The following TCF7L2 variants were observed in gnomAD, a reference collection of about 807,000 sequenced individuals.
TCF7L2 encodes the protein transcription factor 7-like 2.
A neutral mutation model predicts 77.9 loss-of-function variants in TCF7L2; 23 were observed. The observed-to-expected ratio is 0.30, with a 90% CI of 0.21 to 0.42. TCF7L2 has a LOEUF of 0.42. TCF7L2 is among the 10% of genes least tolerant of loss of function. TCF7L2 has a pLI of 1.00. For synonymous variants in TCF7L2, 413 were observed against 340.2 expected (o/e 1.21, Z -2.36); for missense variants, 654 against 793.1 (o/e 0.82, Z 2.11).
intron 5 of TCF7L2, among the ~76,000 whole-genome samples, chr10:113,098,873 G>A (rs2061339451): frequency 6.6e-6 from 1 of 152,204 alleles, no homozygotes; most frequent in South Asian, 2.1e-4. Context: ...CTGCCTTTGT[G>A]TAGTCACTGG....
chr10:112,950,649 T>G lies in TCF7L2; in HGVS notation c.-108T>G. 2 of 1,350,522 alleles carry G rather than the reference T, an allele frequency of 1.5e-6. No homozygotes were observed. Among genetic ancestry groups the G allele is most frequent in the Non-Finnish European group, 2.0e-6 (2 of 1,001,676 alleles). 83.7% of individuals were successfully genotyped at this position (1,350,522 alleles called of 1,614,324 possible). A position where few individuals can be genotyped will look rare whatever the true frequency, so the allele number is the denominator to read the frequency against. On this transcript the variant is annotated 5_prime_UTR_variant, in exon 1 of 14. Transcript: ENST00000627217. ...AAAAGTTCACCTTGGACTCGTCTTT[T>G]TCTTGCAATATTTTTTGGGGGGGCA...
intron 5 of TCF7L2, among the ~76,000 whole-genome samples, chr10:113,109,610 C>T (rs1049275513): frequency 5.3e-5 from 8 of 152,116 alleles, no homozygotes; most frequent in Non-Finnish European, 7.3e-5. Flanking sequence ...AGGCTGGTCT[C>T]GAACTCCTGA....
At chr10:113,052,592 C>T (rs1257404433) in intron 5 of TCF7L2, among the ~76,000 whole-genome samples, 2 of 152,210 alleles carry the variant, frequency 1.3e-5, no homozygotes, top group African/African-American at 2.4e-5. Flanking sequence ...AGGAAAAGGA[C>T]GTAGGCTCAG....
intron 6 of TCF7L2, among the ~76,000 whole-genome samples, chr10:113,143,322 ACCT>A (rs1251883234): frequency 6.6e-6 from 1 of 152,050 alleles, no homozygotes; most frequent in African/African-American, 2.4e-5. Flanking sequence ...AGCCTCCAAC[ACCT>A]CCTTGTCTGT....
At chr10:113,051,315 G>A (rs1015645179) in intron 5 of TCF7L2, among the ~76,000 whole-genome samples, 5 of 151,824 alleles carry the variant, frequency 3.3e-5, no homozygotes, top group Non-Finnish European at 5.9e-5. Flanking sequence ...TGGGTGAGGC[G>A]GAAATGCCTG....
chr10:112,975,927 G>C (rs2039334975), intron 4 of TCF7L2, among the ~76,000 whole-genome samples: 1 of 152,152 alleles, frequency 6.6e-6, no homozygotes, highest in Non-Finnish European at 1.5e-5. Flanking sequence ...GAGAACCTCT[G>C]ACTCAGTCTA....
At chr10:113,068,556 A>G (rs564194004) in intron 5 of TCF7L2, among the ~76,000 whole-genome samples, 2 of 152,240 alleles carry the variant, frequency 1.3e-5, no homozygotes, top group African/African-American at 4.8e-5. Context: ...TGGACACCAG[A>G]ATTCACAGCA....
At position 113,037,205 on chromosome 10, in the gene TCF7L2, A is replaced by G. The variant is rs80341085; in HGVS notation, c.451-2820A>G. ...ATAGCTTCCTTTAGAAAATCCTGAC[A>G]TAATACTTATTTCCCCAAAAGGCAC... On this transcript the variant is annotated intron_variant, in intron 4 of 13. Transcript: ENST00000627217. 3.5e-3 allele frequency among the ~76,000 whole-genome samples: 529 copies of G among 152,344 alleles called. 8 individuals are homozygous for G. The highest frequency in any genetic ancestry group is 0.02 in the South Asian group (95 of 4,826).
At chr10:113,118,707 C>T (rs1219080844) in intron 5 of TCF7L2, among the ~76,000 whole-genome samples, 1 of 145,928 alleles carries the variant, frequency 6.9e-6, no homozygotes, top group African/African-American at 2.5e-5. Flanking sequence ...ATTCCCAAGC[C>T]TTGGTTGCTA....
At chr10:112,986,069 C>G (rs116593313) in intron 4 of TCF7L2, among the ~76,000 whole-genome samples, 3 of 151,646 alleles carry the variant, frequency 2.0e-5, no homozygotes, top group Admixed American at 6.6e-5. Flanking sequence ...TCTGCACCCC[C>G]GCTCCCACCT....
At chr10:113,019,365 G>C (rs181085255) in intron 4 of TCF7L2, among the ~76,000 whole-genome samples, 5 of 152,204 alleles carry the variant, frequency 3.3e-5, no homozygotes, top group Non-Finnish European at 7.4e-5. Context: ...ATGTGTCCTC[G>C]TTAGAAAGAC....
intron 5 of TCF7L2, among the ~76,000 whole-genome samples, chr10:113,095,458 G>A (rs2060855185): frequency 6.6e-6 from 1 of 152,142 alleles, no homozygotes; most frequent in Middle Eastern, 3.2e-3. Flanking sequence ...GGCTAAATGA[G>A]CGGACAAATT....
chr10:113,102,433 T>G (rs2061773836), intron 5 of TCF7L2, among the ~76,000 whole-genome samples: 1 of 151,560 alleles, frequency 6.6e-6, no homozygotes, highest in African/African-American at 2.4e-5. Flanking sequence ...GTTTGTTTTT[T>G]TTTTTTTTTG....
intron 5 of TCF7L2, among the ~76,000 whole-genome samples, chr10:113,127,715 G>A (rs1176179712): frequency 1.3e-5 from 2 of 151,934 alleles, no homozygotes; most frequent in Non-Finnish European, 2.9e-5. Flanking sequence ...GGCACCCTGG[G>A]GATGAATTTA....
chr10:112,976,711 G>A (rs7918749), intron 4 of TCF7L2, among the ~76,000 whole-genome samples: 31,987 of 152,152 alleles, frequency 0.21, 4,507 homozygotes, highest in East Asian at 0.68. Flanking sequence ...TTTATAATAT[G>A]AAAGACCAAA....
intron 5 of TCF7L2, among the ~76,000 whole-genome samples, chr10:113,070,927 T>C (rs2057926786): frequency 6.6e-6 from 1 of 152,196 alleles, no homozygotes; most frequent in African/African-American, 2.4e-5. Flanking sequence ...TGTCTCCTAG[T>C]AGCCACTCCC....
chr10:113,091,741 C>T (rs912317129), intron 5 of TCF7L2, among the ~76,000 whole-genome samples: 4 of 152,144 alleles, frequency 2.6e-5, no homozygotes, highest in African/African-American at 7.2e-5. Context: ...TGGAGTCTTT[C>T]GGACTTTTCG....
intron 4 of TCF7L2, among the ~76,000 whole-genome samples, chr10:113,013,065 A>G (rs2046726205): frequency 6.6e-6 from 1 of 151,022 alleles, no homozygotes; most frequent in African/African-American, 2.4e-5. Flanking sequence ...GGGCAAATCC[A>G]GCAGCTCACG....
At chr10:113,143,861 C>T in intron 6 of TCF7L2, 62 bp from the exon 7 acceptor site, 1 of 1,289,048 alleles carries the variant, frequency 7.8e-7, no homozygotes, top group Non-Finnish European at 1.1e-6. Context: ...TTCCCATCCC[C>T]TAATGGATTG....
Sources: allele counts gnomAD v4.1 joint callset (sites outside exome capture counted in the v4.1 genomes callset), GRCh38; gene constraint gnomAD v4.1.1; transcripts MANE v1.5; gene names NCBI Gene and HGNC (gene_info 2026-07-23, HGNC 2026-07-21).